Variants in NEK4 observed in about 807,000 individuals in gnomAD.
The protein encoded by NEK4 is NIMA related kinase 4, also known as serine/threonine-protein kinase Nek4.
NEK4 carries 86 observed loss-of-function variants against 98.4 expected under a neutral mutation model. That is an observed-to-expected ratio of 0.87 (90% CI 0.73 to 1.05). The LOEUF (loss-of-function observed/expected upper bound fraction) is 1.05, where lower values mean the gene tolerates loss of function less well. NEK4 is among the 50% of genes least tolerant of loss of function. The probability of loss-of-function intolerance (pLI) is 0.00; values close to 1 mark genes in which losing one functional copy is unlikely to be tolerated. For missense variants in NEK4, 898 were observed against 950.3 expected, an observed-to-expected ratio of 0.94 and a Z score of 0.72; for synonymous variants, 328 against 342.2, an observed-to-expected ratio of 0.96 and a Z score of 0.46.
At chr3:52,737,532 T>A (rs1181499382) in intron 15 of NEK4, 54 bp downstream of exon 15, 2 of 1,579,946 alleles carry the variant, frequency 1.3e-6, no homozygotes, top group Non-Finnish European at 1.7e-6. Flanking sequence ...TTCAAAAGGT[T>A]GTTTAAAAAA....
chr3:52,732,395 C>T (rs894166755), intron 15 of NEK4, among the ~76,000 whole-genome samples: 2 of 152,076 alleles, frequency 1.3e-5, no homozygotes, highest in African/African-American at 4.8e-5. Context: ...GGGGTTTCAC[C>T]GTGTTAAGTC....
rs1228569475 is a variant in NEK4, at chr3:52,766,293, C to T, written c.443G>A (p.Gly148Glu). ...TAACACTCGGGCAATTCCTAGGTCC[C>T]CTACTTTGATGATGTTTGTTCTTGT... ...FLTRTNIIKV[G>E]DLGIARVLEN... The change falls in exon 3 of 16, where the codon GGG (glycine) becomes GAG (glutamate). Residue 148 changes from glycine to glutamate, a missense_variant. Coordinates refer to ENST00000233027, the MANE Select transcript of NEK4 (RefSeq NM_003157.6). 1.2e-6 allele frequency: 2 copies of T among 1,613,962 alleles called. No homozygotes were observed. Among genetic ancestry groups the T allele is most frequent in the Admixed American group, 3.3e-5 (2 of 60,002 alleles).
chr3:52,756,848 AT>A (rs1163127682), intron 6 of NEK4, among the ~76,000 whole-genome samples: 1 of 152,226 alleles, frequency 6.6e-6, no homozygotes, highest in Non-Finnish European at 1.5e-5. Context: ...TGCAAATCAT[AT>A]ATGTGATAAG....
Position 52,750,516 on chromosome 3 carries a change from T to C in NEK4, c.1369-687A>G, listed in dbSNP as rs574657464. On this transcript the variant is annotated intron_variant, in intron 7 of 15. Transcript: ENST00000233027. ...GAGCTGAGATCGTGCCACTGTACTC[T>C]AGCCTGGGTGACAGAGTGAGACTCA... Among the ~76,000 whole-genome samples the C allele has an allele frequency of 7.9e-5, 12 of 152,250 alleles. No individual in the cohort carries two copies. The South Asian group carries it at 2.5e-3, about 32-fold the overall frequency.
intron 15 of NEK4, among the ~76,000 whole-genome samples, chr3:52,724,232 AACACACACACAC>A (rs10528307): frequency 1.4e-5 from 2 of 145,202 alleles, no homozygotes; most frequent in African/African-American, 2.6e-5. Context: ...TTTGTCTTAA[AACACACACACAC>A]ACACACACAC....
chr3:52,743,348 G>T lies in NEK4; in HGVS notation c.2004+4C>A. On this transcript the variant is annotated splice_donor_region_variant and intron_variant, in intron 12 of 15. Coordinates refer to ENST00000233027, the MANE Select transcript of NEK4 (RefSeq NM_003157.6). ...ACCTTCTCTCTTAGGAGTACGTAAT[G>T]CACCTGAGTGACGCTGCAGTCAGAG... 1 of 1,610,146 alleles carries T rather than the reference G, an allele frequency of 6.2e-7. No homozygotes were observed. The highest frequency in any genetic ancestry group is 8.5e-7 in the Non-Finnish European group (1 of 1,176,432).
chr3:52,711,994 G>T (rs1166301312), intron 15 of NEK4, 125 bp from the exon 16 acceptor site: 2 of 536,216 alleles, frequency 3.7e-6, no homozygotes, highest in Admixed American at 3.4e-5. Flanking sequence ...AATACTAATA[G>T]TTCAGTTTAC....
intron 6 of NEK4, among the ~76,000 whole-genome samples, chr3:52,759,387 C>T (rs1389012982): frequency 7.1e-6 from 1 of 141,374 alleles, no homozygotes; most frequent in Non-Finnish European, 1.5e-5. Context: ...GGCAACAGAG[C>T]AAGACCCTGT....
At chr3:52,741,347 G>A in intron 13 of NEK4, 64 bp downstream of exon 13, 1 of 942,606 alleles carries the variant, frequency 1.1e-6, no homozygotes. Flanking sequence ...TACTGAAAAT[G>A]CACATTTAAT....
chr3:52,760,291 A>G (rs1176989363), intron 6 of NEK4, among the ~76,000 whole-genome samples: 1 of 152,052 alleles, frequency 6.6e-6, no homozygotes, highest in Non-Finnish European at 1.5e-5. Flanking sequence ...GTCTTGGCTC[A>G]CTGCAACCTC....
At chr3:52,740,152 C>T (rs2097383237) in intron 13 of NEK4, among the ~76,000 whole-genome samples, 1 of 152,070 alleles carries the variant, frequency 6.6e-6, no homozygotes, top group South Asian at 2.1e-4. Context: ...TCTAGCATCC[C>T]ATCAAAAATA....
intron 13 of NEK4, among the ~76,000 whole-genome samples, chr3:52,740,956 G>A (rs934663901): frequency 5.3e-5 from 8 of 151,272 alleles, no homozygotes; most frequent in South Asian, 2.1e-4. Flanking sequence ...ATGGCCAGGC[G>A]GGGCGTGGTG....
At chr3:52,719,266 A>C (rs569197419) in intron 15 of NEK4, among the ~76,000 whole-genome samples, 1 of 152,348 alleles carries the variant, frequency 6.6e-6, no homozygotes, top group East Asian at 1.9e-4. Context: ...AGATAAGCCA[A>C]TTCATTGGAG....
At chr3:52,734,275 TCTCTA>T (rs1340132118) in intron 15 of NEK4, among the ~76,000 whole-genome samples, 3 of 151,898 alleles carry the variant, frequency 2.0e-5, no homozygotes, top group African/African-American at 4.8e-5. Context: ...TGAAACCCCG[TCTCTA>T]CTCTACTAAA....
At chr3:52,718,472 CA>C (rs35974184) in intron 15 of NEK4, among the ~76,000 whole-genome samples, 6,926 of 92,378 alleles carry the variant, frequency 0.075, 302 homozygotes, top group African/African-American at 0.2. Context: ...GACTCCGTCT[CA>C]AAAAAAAAAA....
intron 15 of NEK4, among the ~76,000 whole-genome samples, chr3:52,730,968 T>C (rs1018850853): frequency 3.3e-5 from 5 of 152,200 alleles, no homozygotes; most frequent in African/African-American, 4.8e-5. Flanking sequence ...TGGTGGTGAA[T>C]GTTGTACAAC....
rs2097351032 is a variant in NEK4, at chr3:52,712,154, CAAT to C, written c.2434-288_2434-286del. Among the ~76,000 whole-genome samples, 4 of 152,258 alleles carry C rather than the reference CAAT, an allele frequency of 2.6e-5. 1 individual carries two copies. The highest frequency in any genetic ancestry group is 5.9e-5 in the Non-Finnish European group (4 of 68,006). ...AGTTCTTTGAATCAATAAAACCCAA[CAAT>C]ATTAGAATAGGTAAAACAAAATCAA... On this transcript the variant is annotated intron_variant, in intron 15 of 15. Transcript: ENST00000233027.
chr3:52,744,325 A>T lies in NEK4; in HGVS notation c.1828-20T>A, dbSNP rs376364666. ...TCGATCCTTTAAAAGAAAGTCACAGAGTCACTTCCATTCCTACTTGCTATT... is the reference window on the plus strand; with the variant it reads ...TCGATCCTTTAAAAGAAAGTCACAGTGTCACTTCCATTCCTACTTGCTATT... On this transcript the variant is annotated intron_variant, in intron 10 of 15. Coordinates refer to ENST00000233027, the MANE Select transcript of NEK4 (RefSeq NM_003157.6). 3 of 1,582,092 alleles carry T rather than the reference A, an allele frequency of 1.9e-6. No individual in the cohort carries two copies. Among genetic ancestry groups the T allele is most frequent in the Non-Finnish European group, 2.6e-6 (3 of 1,150,892 alleles).
At chr3:52,734,132 T>C (rs548552107) in intron 15 of NEK4, among the ~76,000 whole-genome samples, 35 of 152,114 alleles carry the variant, frequency 2.3e-4, no homozygotes, top group African/African-American at 7.9e-4. Context: ...GGCCAAGGCA[T>C]GTGGATCATA....
Sources: gnomAD v4.1 joint callset for allele counts (sites outside exome capture counted in the v4.1 genomes callset) on GRCh38, gnomAD v4.1.1 for gene constraint, MANE v1.5 for transcripts, NCBI Gene and HGNC (gene_info 2026-07-23, HGNC 2026-07-21) for gene names.